Variants in TENM4 observed in about 807,000 individuals in gnomAD.
TENM4 encodes teneurin transmembrane protein 4.
Under a neutral mutation model 243.3 loss-of-function variants are expected in TENM4, and 82 were observed. That is an observed-to-expected ratio of 0.34 (90% confidence interval 0.28 to 0.40). The LOEUF is 0.40. Among genes scored for constraint, TENM4 ranks in the 10% least tolerant of loss-of-function variants. The pLI is 1.00. For synonymous variants in TENM4, 1,412 were observed against 1,456.3 expected (o/e 0.97, Z 0.69); for missense variants, 3,138 against 3,673.3 (o/e 0.85, Z 3.77).
chr11:79,194,914 C>A (rs1445579967), intron 3 of TENM4, among the ~76,000 whole-genome samples: 1 of 152,170 alleles, frequency 6.6e-6, no homozygotes, highest in East Asian at 1.9e-4. Flanking sequence ...CCTCCCATCA[C>A]AGCCCTGGAG....
chr11:79,065,689 G>C (rs1860226330), intron 5 of TENM4, among the ~76,000 whole-genome samples: 1 of 152,204 alleles, frequency 6.6e-6, no homozygotes, highest in Non-Finnish European at 1.5e-5. Context: ...AAAAGGCTCT[G>C]CCTGCTGCTT....
chr11:79,335,221 G>A (rs1184303616), intron 1 of TENM4, among the ~76,000 whole-genome samples: 1 of 152,242 alleles, frequency 6.6e-6, no homozygotes, highest in East Asian at 1.9e-4. Context: ...AGCTGGTTCT[G>A]CTACAGAACC....
At chr11:79,350,322 C>T (rs1857393086) in intron 1 of TENM4, among the ~76,000 whole-genome samples, 1 of 152,220 alleles carries the variant, frequency 6.6e-6, no homozygotes, top group Non-Finnish European at 1.5e-5. Context: ...CACCCAGGCA[C>T]CTCATACGCA....
At chr11:78,850,440 T>C (rs1267353117) in intron 12 of TENM4, among the ~76,000 whole-genome samples, 4 of 152,164 alleles carry the variant, frequency 2.6e-5, no homozygotes, top group African/African-American at 9.7e-5. Flanking sequence ...CAATTATATA[T>C]TGGGGCCATA....
Position 79,064,833 on chromosome 11 carries a change from C to G in TENM4, c.398G>C (p.Gly133Ala). The G allele has an allele frequency of 5.2e-6, 8 of 1,551,468 alleles. No individual in the cohort carries two copies. Among genetic ancestry groups the G allele is most frequent in the Non-Finnish European group, 7.0e-6 (8 of 1,146,974 alleles). The change falls in exon 6 of 34, where the codon GGC becomes GCC. Residue 133 changes from glycine to alanine, a missense_variant. Around this residue, in one of 2 missense-constraint regions of TENM4, gnomAD observed 671 missense variants for 614.1 expected, o/e 1.09. Transcript: ENST00000278550. ...LSPEHPVRLW[G>A]RSTRSGRSSC... Reference sequence around the variant, plus strand: ...GCTGCGCCCTGACCGTGTGCTCCGGCCCCACAGACGCACGGGGTGCTCAGG... The same window carrying G: ...GCTGCGCCCTGACCGTGTGCTCCGGGCCCACAGACGCACGGGGTGCTCAGG...
At chr11:79,067,408 C>T (rs1049156707) in intron 5 of TENM4, among the ~76,000 whole-genome samples, 2 of 152,208 alleles carry the variant, frequency 1.3e-5, no homozygotes, top group Non-Finnish European at 2.9e-5. Flanking sequence ...TGTCCCCATC[C>T]ACAGTTCTAT....
At chr11:78,780,958 AGAGCCCCC>A (rs1856827640) in intron 16 of TENM4, among the ~76,000 whole-genome samples, 1 of 152,176 alleles carries the variant, frequency 6.6e-6, no homozygotes, top group African/African-American at 2.4e-5. Context: ...TTTGCTACAA[AGAGCCCCC>A]GAGCCACACT....
intron 9 of TENM4, among the ~76,000 whole-genome samples, chr11:78,864,504 C>T (rs1362402724): frequency 7.0e-6 from 1 of 143,298 alleles, no homozygotes; most frequent in African/African-American, 2.6e-5. Flanking sequence ...AAGTCTTGTA[C>T]GACAATCTAG....
At chr11:78,705,913 A>G (rs1277419607) in intron 27 of TENM4, among the ~76,000 whole-genome samples, 1 of 152,234 alleles carries the variant, frequency 6.6e-6, no homozygotes, top group Non-Finnish European at 1.5e-5. Context: ...ATGTACAAGG[A>G]AGTTTTTTGT....
At chr11:78,982,980 G>A (rs1443803584) in intron 6 of TENM4, among the ~76,000 whole-genome samples, 1 of 152,214 alleles carries the variant, frequency 6.6e-6, no homozygotes, top group Non-Finnish European at 1.5e-5. Flanking sequence ...TGAGGAGTTA[G>A]CTCCCTGTGA....
intron 16 of TENM4, among the ~76,000 whole-genome samples, chr11:78,785,248 G>A (rs1856911614): frequency 1.3e-5 from 2 of 152,118 alleles, no homozygotes; most frequent in South Asian, 4.1e-4. Flanking sequence ...AAGGGAGGAT[G>A]ACACCGATAT....
intron 3 of TENM4, among the ~76,000 whole-genome samples, chr11:79,155,706 T>C (rs867228674): frequency 3.3e-5 from 4 of 120,374 alleles, no homozygotes; most frequent in Non-Finnish European, 3.3e-5. Flanking sequence ...CCTCCTTTCC[T>C]CCTTTCCTCC....
intron 1 of TENM4, among the ~76,000 whole-genome samples, chr11:79,409,809 G>A (rs1858660423): frequency 6.6e-6 from 1 of 152,170 alleles, no homozygotes; most frequent in African/African-American, 2.4e-5. Context: ...ATCTGTAGGT[G>A]GATACATACC....
At chr11:79,004,302 T>C (rs533675017) in intron 6 of TENM4, among the ~76,000 whole-genome samples, 4 of 152,300 alleles carry the variant, frequency 2.6e-5, no homozygotes, top group African/African-American at 7.2e-5. Flanking sequence ...CTAACAGATA[T>C]CTACAGAACT....
At chr11:79,248,237 A>G (rs1855553189) in intron 2 of TENM4, among the ~76,000 whole-genome samples, 1 of 152,214 alleles carries the variant, frequency 6.6e-6, no homozygotes, top group South Asian at 2.1e-4. Flanking sequence ...GGCACAGGCA[A>G]GGCATGGGAT....
intron 1 of TENM4, among the ~76,000 whole-genome samples, chr11:79,379,971 G>A (rs1376208656): frequency 1.3e-5 from 2 of 152,144 alleles, no homozygotes; most frequent in Non-Finnish European, 2.9e-5. Flanking sequence ...TTGAGTTCCA[G>A]CCACTTTCGT....
intron 1 of TENM4, among the ~76,000 whole-genome samples, chr11:79,369,739 A>G (rs950145728): frequency 6.6e-6 from 1 of 152,124 alleles, no homozygotes; most frequent in African/African-American, 2.4e-5. Flanking sequence ...TCATCTGTAG[A>G]CCTTAGCCCA....
intron 2 of TENM4, among the ~76,000 whole-genome samples, chr11:79,267,579 A>G (rs914603499): frequency 6.6e-6 from 1 of 152,162 alleles, no homozygotes; most frequent in Admixed American, 6.5e-5. Context: ...ACAAATTAAA[A>G]CATCTCTGGT....
At chr11:78,855,297 A>G (rs1858652800) in intron 11 of TENM4, among the ~76,000 whole-genome samples, 1 of 152,214 alleles carries the variant, frequency 6.6e-6, no homozygotes, top group African/African-American at 2.4e-5. Flanking sequence ...CCTATGATTT[A>G]CATTACTCCA....
Sources: gnomAD v4.1 joint callset for allele counts (sites outside exome capture counted in the v4.1 genomes callset) on GRCh38, gnomAD v4.1.1 for gene constraint, gnomAD v4.1.1 regional missense constraint, MANE v1.5 for transcripts, NCBI Gene and HGNC (gene_info 2026-07-23, HGNC 2026-07-21) for gene names.